The following VPS26A variants were observed in gnomAD, a reference collection of about 807,000 sequenced individuals.
VPS26A encodes VPS26 retromer complex component A.
A neutral mutation model predicts 42.4 loss-of-function variants in VPS26A; 22 were observed. The ratio of observed to expected loss-of-function variants is 0.52; its 90% CI spans 0.37 to 0.74. The LOEUF is 0.74. Among genes scored for constraint, VPS26A ranks in the 30% least tolerant of loss-of-function variants. The pLI is 0.00. For missense variants in VPS26A, 276 were observed against 379.2 expected (o/e 0.73, Z 2.26); for synonymous variants, 110 against 123.5 (o/e 0.89, Z 0.73).
chr10:69,149,931 A>C (rs1275001525), intron 2 of VPS26A, among the ~76,000 whole-genome samples: 1 of 151,698 alleles, frequency 6.6e-6, no homozygotes, highest in African/African-American at 2.4e-5. Context: ...TTTAGTAGAA[A>C]TAGGGTTTCA....
chr10:69,129,861 C>T (rs1408163901), intron 1 of VPS26A, among the ~76,000 whole-genome samples: 1 of 152,208 alleles, frequency 6.6e-6, no homozygotes, highest in African/African-American at 2.4e-5. Flanking sequence ...AAGTACTAAT[C>T]TGGTAATTCT....
At chr10:69,158,571 C>T (rs907831651) in intron 5 of VPS26A, among the ~76,000 whole-genome samples, 1 of 151,430 alleles carries the variant, frequency 6.6e-6, no homozygotes, top group Non-Finnish European at 1.5e-5. Context: ...GTTAATGTCT[C>T]CTTGTATATC....
chr10:69,124,443 C>T (rs1159693968), intron 1 of VPS26A, among the ~76,000 whole-genome samples, 163 bp downstream of exon 1: 2 of 152,112 alleles, frequency 1.3e-5, no homozygotes, highest in Non-Finnish European at 2.9e-5. Flanking sequence ...GAAAAGCTGG[C>T]GGCGCCACCT....
intron 5 of VPS26A, among the ~76,000 whole-genome samples, chr10:69,159,637 C>T (rs777188111): frequency 7.9e-5 from 12 of 151,988 alleles, no homozygotes; most frequent in Non-Finnish European, 1.6e-4. Context: ...ATATGACAAG[C>T]TTGTTTTCTG....
At chr10:69,146,091 T>G (rs1841153977) in intron 2 of VPS26A, among the ~76,000 whole-genome samples, 1 of 152,194 alleles carries the variant, frequency 6.6e-6, no homozygotes, top group South Asian at 2.1e-4. Flanking sequence ...ATTCAATCAC[T>G]TATTCATTCA....
At chr10:69,150,269 T>C (rs935683682) in intron 2 of VPS26A, among the ~76,000 whole-genome samples, 45 of 151,202 alleles carry the variant, frequency 3.0e-4, no homozygotes, top group African/African-American at 1.1e-3. Context: ...TTGGTCAGGC[T>C]GGTCTCGAAC....
chr10:69,141,903 G>A (rs140895682), intron 2 of VPS26A, among the ~76,000 whole-genome samples: 92 of 149,640 alleles, frequency 6.1e-4, no homozygotes, highest in African/African-American at 1.3e-3. Flanking sequence ...TTTTTTTTTT[G>A]AGATGCAGTC....
chr10:69,166,099 CA>C lies in VPS26A; in HGVS notation c.717del (p.Pro240GlnfsTer2). ...TIAKYEIMDG[A>X]PVKGESIPIR... ...GCCAAATATGAAATAATGGATGGTGCACCAGTAAAAGGTAACACACTTTTCA... is the reference window on the plus strand; with the variant it reads ...GCCAAATATGAAATAATGGATGGTGCCCAGTAAAAGGTAACACACTTTTCA... On this transcript the variant is annotated frameshift_variant, in exon 7 of 9. Coordinates refer to ENST00000263559, the MANE Select transcript of VPS26A (RefSeq NM_004896.5). LOFTEE classifies it high-confidence loss of function. 2.5e-6 allele frequency: 4 copies of C among 1,613,938 alleles called. No individual in the cohort carries two copies. The highest frequency in any genetic ancestry group is 2.5e-6 in the Non-Finnish European group (3 of 1,179,892).
intron 5 of VPS26A, among the ~76,000 whole-genome samples, chr10:69,160,764 C>T (rs1159730095): frequency 6.6e-6 from 1 of 152,162 alleles, no homozygotes. Flanking sequence ...TATTAACCAA[C>T]TCTTGAGATA....
At chr10:69,159,359 T>TGACA (rs1841501394) in intron 5 of VPS26A, among the ~76,000 whole-genome samples, 1 of 149,280 alleles carries the variant, frequency 6.7e-6, no homozygotes, top group African/African-American at 2.5e-5. Context: ...CCAGCCTGGG[T>TGACA]GACAGAGGGA....
chr10:69,133,512 T>C (rs1436542067), intron 2 of VPS26A: 18 of 1,261,784 alleles, frequency 1.4e-5, no homozygotes, highest in Admixed American at 1.3e-4. Flanking sequence ...TACTATTGTG[T>C]CTGTTGATCT....
chr10:69,158,638 AC>A (rs991512254), intron 5 of VPS26A, among the ~76,000 whole-genome samples: 6 of 151,970 alleles, frequency 3.9e-5, no homozygotes, highest in African/African-American at 1.4e-4. Flanking sequence ...TTTTTACAAA[AC>A]TGGCTCATAT....
At chr10:69,156,892 A>G (rs944285417) in intron 3 of VPS26A, 115 bp from the exon 4 acceptor site, 1 of 961,072 alleles carries the variant, frequency 1.0e-6, no homozygotes, top group Non-Finnish European at 1.5e-6. Flanking sequence ...CTAGTTTATT[A>G]GAGACAAACT....
rs1271060902 is a variant in VPS26A at position 69,124,267 on chromosome 10, C to T, written c.-11C>T. On this transcript the variant is annotated 5_prime_UTR_variant, in exon 1 of 9. Coordinates refer to ENST00000263559, the MANE Select transcript of VPS26A (RefSeq NM_004896.5). ...GAGTGGAGTAGGGGGGACGCGGCGGCGGCGTTGACAATGGTGAGTGCGCGG... is the reference window on the plus strand; with the variant it reads ...GAGTGGAGTAGGGGGGACGCGGCGGTGGCGTTGACAATGGTGAGTGCGCGG... 7 of 1,280,244 alleles carry T rather than the reference C, an allele frequency of 5.5e-6. No homozygotes were observed. Among genetic ancestry groups the T allele is most frequent in the Admixed American group, 3.7e-5 (1 of 27,040 alleles). 79.3% of individuals were successfully genotyped at this position (1,280,244 alleles called of 1,614,324 possible).
At chr10:69,163,558 T>C (rs1279610853) in intron 6 of VPS26A, among the ~76,000 whole-genome samples, 1 of 152,170 alleles carries the variant, frequency 6.6e-6, no homozygotes, top group Non-Finnish European at 1.5e-5. Context: ...AACTTTTAGC[T>C]CATTTGATGG....
chr10:69,172,386 C>A lies in VPS26A; in HGVS notation c.*1117C>A, dbSNP rs1375116908. On this transcript the variant is annotated 3_prime_UTR_variant, in exon 9 of 9. Transcript: ENST00000263559. ...TCCATTCATATGCATGGGGTCTGATCGCAAATACACTAAATGTGGAGTGTA... is the reference window on the plus strand; with the variant it reads ...TCCATTCATATGCATGGGGTCTGATAGCAAATACACTAAATGTGGAGTGTA... 6.6e-6 allele frequency: 1 copy of A among 152,208 alleles called. No individual in the cohort carries two copies. Among genetic ancestry groups the A allele is most frequent in the Admixed American group, 6.5e-5 (1 of 15,268 alleles). 9.4% of individuals were successfully genotyped at this position (152,208 alleles called of 1,614,324 possible).
At chr10:69,169,565 G>C (rs1478758122) in intron 8 of VPS26A, among the ~76,000 whole-genome samples, 1 of 152,000 alleles carries the variant, frequency 6.6e-6, no homozygotes. Flanking sequence ...CCAAAGTGCT[G>C]GGATTACAGG....
rs138734521 is a variant in VPS26A, at chr10:69,140,663, G to A, written c.153+7616G>A. Among the ~76,000 whole-genome samples the A allele has an allele frequency of 7.9e-5, 12 of 152,298 alleles. No homozygotes were observed. The East Asian group carries it at 2.3e-3, about 29-fold the overall frequency. On this transcript the variant is annotated intron_variant, in intron 2 of 8. Transcript: ENST00000263559. Reference sequence around the variant, plus strand: ...GCCTCCCAAAGTGCTGGGATTACAGGTGTGAACCACTGTGCCTGGCCCTTC... The same window carrying A: ...GCCTCCCAAAGTGCTGGGATTACAGATGTGAACCACTGTGCCTGGCCCTTC...
At chr10:69,128,732 C>T (rs1029997682) in intron 1 of VPS26A, among the ~76,000 whole-genome samples, 6 of 152,012 alleles carry the variant, frequency 3.9e-5, no homozygotes, top group African/African-American at 1.4e-4. Context: ...AGGTGGCTCA[C>T]GCCTGTAATC....
Sources: allele counts gnomAD v4.1 joint callset (sites outside exome capture counted in the v4.1 genomes callset), GRCh38; gene constraint gnomAD v4.1.1; transcripts MANE v1.5; gene names NCBI Gene and HGNC (gene_info 2026-07-23, HGNC 2026-07-21).